The following GRAMD1B variants were observed in gnomAD, a reference collection of about 807,000 sequenced individuals.
The protein encoded by GRAMD1B is protein Aster-B.
GRAMD1B carries 37 observed loss-of-function variants against 99.7 expected under a neutral mutation model. That is an observed-to-expected ratio of 0.37 (90% confidence interval 0.29 to 0.49). The LOEUF is 0.49. Among genes scored for constraint, GRAMD1B ranks in the 20% least tolerant of loss-of-function variants. The pLI is 0.98. For missense variants in GRAMD1B, 888 were observed against 1,009.2 expected (o/e 0.88, Z 1.63); for synonymous variants, 427 against 387.6 (o/e 1.10, Z -1.19).
chr11:123,604,004 G>T (rs566822105), intron 9 of GRAMD1B, among the ~76,000 whole-genome samples: 3 of 152,342 alleles, frequency 2.0e-5, no homozygotes, highest in African/African-American at 7.2e-5. Flanking sequence ...ACCAAAGGTG[G>T]CTTTCAGATT....
At chr11:123,594,624 T>C (rs1951051147) in intron 5 of GRAMD1B, 111 bp from the exon 6 acceptor site, 1 of 675,172 alleles carries the variant, frequency 1.5e-6, no homozygotes, top group Admixed American at 2.2e-5. Flanking sequence ...TTGTCCGTGG[T>C]GGGCATTGGG....
chr11:123,464,851 CTG>C (rs1200823526), intron 1 of GRAMD1B, among the ~76,000 whole-genome samples: 1 of 152,106 alleles, frequency 6.6e-6, no homozygotes, highest in Non-Finnish European at 1.5e-5. Flanking sequence ...GGAACTATTT[CTG>C]TGTTTCCTTG....
chr11:123,622,442 G>A, intron 19 of GRAMD1B, 64 bp from the exon 20 acceptor site: 3 of 992,194 alleles, frequency 3.0e-6, no homozygotes, highest in Non-Finnish European at 4.7e-6. Flanking sequence ...GGAGAGGGCT[G>A]CTCGGTGGAG....
In GRAMD1B at chr11:123,619,361, C is replaced by A. The variant is rs983531547; in HGVS notation, c.2544+137C>A. Reference sequence around the variant, plus strand: ...CAATTCATTCTTCCTCCAGGCCATGCATTGTTCTAAATGGAAAGCCTTCCT... The same window carrying A: ...CAATTCATTCTTCCTCCAGGCCATGAATTGTTCTAAATGGAAAGCCTTCCT... On this transcript the variant is annotated intron_variant, in intron 19 of 19. Transcript: ENST00000635736. 2.0e-6 allele frequency: 3 copies of A among 1,520,914 alleles called. No homozygotes were observed. The Admixed American group carries it at 6.0e-5, about 30-fold the overall frequency. The allele number at this position is 1,520,914 out of a possible 1,614,324, so 94.2% of individuals were successfully genotyped here.
chr11:123,537,895 G>A (rs191323177), intron 2 of GRAMD1B, among the ~76,000 whole-genome samples: 12 of 152,234 alleles, frequency 7.9e-5, no homozygotes, highest in East Asian at 7.7e-4. Context: ...GGTTTTTCTC[G>A]CTTGTTGCAG....
At chr11:123,619,636 C>A in intron 19 of GRAMD1B, 1 of 371,528 alleles carries the variant, frequency 2.7e-6, no homozygotes, top group Non-Finnish European at 3.7e-6. Flanking sequence ...CTCTGACAGT[C>A]AGTGGCACTG....
intron 2 of GRAMD1B, among the ~76,000 whole-genome samples, chr11:123,489,677 C>A (rs1938316658): frequency 6.6e-6 from 1 of 152,162 alleles, no homozygotes; most frequent in African/African-American, 2.4e-5. Context: ...ATAGTGATTT[C>A]ATTCTAGAAG....
chr11:123,583,202 A>G (rs957492218), intron 3 of GRAMD1B, among the ~76,000 whole-genome samples: 3 of 147,636 alleles, frequency 2.0e-5, no homozygotes, highest in African/African-American at 7.6e-5. Flanking sequence ...ATGTGTGTGT[A>G]CGTGTATTCG....
intron 3 of GRAMD1B, chr11:123,578,574 T>C: frequency 1.5e-6 from 1 of 660,370 alleles, no homozygotes. Flanking sequence ...GGCCCCACTG[T>C]CCCCCGGCAG....
chr11:123,552,609 C>T (rs926312143), intron 2 of GRAMD1B, among the ~76,000 whole-genome samples: 2 of 152,118 alleles, frequency 1.3e-5, no homozygotes, highest in East Asian at 3.8e-4. Flanking sequence ...TAAATGTAAT[C>T]GGGTTGAGTT....
At chr11:123,522,067 T>C (rs1215224166) in intron 2 of GRAMD1B, among the ~76,000 whole-genome samples, 1 of 152,138 alleles carries the variant, frequency 6.6e-6, no homozygotes, top group African/African-American at 2.4e-5. Context: ...GAAATGCAAA[T>C]GTCAGGAAGC....
chr11:123,585,805 T>A (rs1281860127), intron 4 of GRAMD1B, among the ~76,000 whole-genome samples: 3 of 152,150 alleles, frequency 2.0e-5, no homozygotes, highest in Admixed American at 6.5e-5. Context: ...AGTTCAGACA[T>A]CTCCGTTTGG....
At chr11:123,399,131 G>A (rs116271663) in intron 1 of GRAMD1B, among the ~76,000 whole-genome samples, 1,575 of 152,138 alleles carry the variant, frequency 0.01, 24 homozygotes, top group African/African-American at 0.037. Flanking sequence ...TCTATTCTCT[G>A]TTACTACGAC....
At position 123,610,064 on chromosome 11, in the gene GRAMD1B, C is replaced by T; in HGVS notation, c.1777-132C>T. On this transcript the variant is annotated intron_variant, in intron 13 of 19. Transcript: ENST00000635736. This position sits in a 1 kb window ranked among gnomAD's most constrained non-coding sequence, Gnocchi z 4.1. ...TGGCGTCTTGCTTGTTTAGTTGCTG[C>T]TGATTCCAGTGATCCTGGTTCTCCT... is the stretch of plus-strand genomic sequence containing the variant. 2.2e-6 allele frequency: 2 copies of T among 894,550 alleles called. 1 individual carries two copies. Among genetic ancestry groups the T allele is most frequent in the South Asian group, 3.2e-5 (2 of 63,484 alleles). The allele number at this position is 894,550 out of a possible 1,614,324, so 55.4% of individuals were successfully genotyped here.
At chr11:123,547,790 C>T (rs181657240) in intron 2 of GRAMD1B, among the ~76,000 whole-genome samples, 15 of 152,288 alleles carry the variant, frequency 9.8e-5, no homozygotes, top group African/African-American at 3.4e-4. Flanking sequence ...AGTTATGCCC[C>T]TTACTGACAT....
intron 1 of GRAMD1B, among the ~76,000 whole-genome samples, chr11:123,399,980 A>T (rs1947602557): frequency 6.6e-6 from 1 of 151,972 alleles, no homozygotes; most frequent in Non-Finnish European, 1.5e-5. Context: ...TTTGATTTGA[A>T]CCTGGTAACC....
At chr11:123,472,245 AAAAG>A (rs1360323098) in intron 1 of GRAMD1B, among the ~76,000 whole-genome samples, 6 of 151,480 alleles carry the variant, frequency 4.0e-5, no homozygotes, top group African/African-American at 1.2e-4. Flanking sequence ...AAAAAAGAGA[AAAAG>A]AAAAAAGAAA....
intron 19 of GRAMD1B, 29 bp downstream of exon 19, chr11:123,619,253 C>G (rs980426473): frequency 6.5e-7 from 1 of 1,550,262 alleles, no homozygotes; most frequent in African/African-American, 1.4e-5. Context: ...TCTGCTTGCC[C>G]TGGTCTTTGG....
At chr11:123,407,723 G>C (rs1351625806) in intron 1 of GRAMD1B, among the ~76,000 whole-genome samples, 2 of 152,200 alleles carry the variant, frequency 1.3e-5, no homozygotes, top group Non-Finnish European at 2.9e-5. Context: ...GACAGGCTTA[G>C]GCTTATCTCT....
Sources: allele counts gnomAD v4.1 joint callset (sites outside exome capture counted in the v4.1 genomes callset), GRCh38; gene constraint gnomAD v4.1.1; non-coding constraint Gnocchi (gnomAD v3.1); transcripts MANE v1.5; gene names NCBI Gene and HGNC (gene_info 2026-07-23, HGNC 2026-07-21).